LINGO2: variants seen among roughly 807,000 people sequenced by gnomAD.
The protein encoded by LINGO2 is leucine-rich repeat and immunoglobulin-like domain-containing nogo receptor-interacting protein 2.
Under a neutral mutation model 30.6 loss-of-function variants are expected in LINGO2, and 14 were observed. The observed-to-expected ratio is 0.46, with a 90% CI of 0.30 to 0.72. The LOEUF is 0.72. Ranked by LOEUF, LINGO2 falls within the 30% of genes least tolerant of loss-of-function variation. The probability of loss-of-function intolerance (pLI) is 0.07; values close to 1 mark genes in which losing one functional copy is unlikely to be tolerated. For synonymous variants in LINGO2, 317 were observed against 288.5 expected (o/e 1.10, Z -1.00); for missense variants, 729 against 751.7 (o/e 0.97, Z 0.35).
At chr9:28,470,244 T>C (rs1825468384) in intron 2 of LINGO2, among the ~76,000 whole-genome samples, 1 of 152,200 alleles carries the variant, frequency 6.6e-6, no homozygotes, top group Non-Finnish European at 1.5e-5. Context: ...AGTTGTAAAT[T>C]TGTTGTCATA....
At chr9:28,582,299 G>T (rs1159278300) in intron 1 of LINGO2, among the ~76,000 whole-genome samples, 6 of 151,986 alleles carry the variant, frequency 3.9e-5, no homozygotes, top group African/African-American at 1.4e-4. Context: ...GAAAGAAAAA[G>T]ATTATTGTTT....
chr9:28,276,155 C>T (rs765238280), intron 4 of LINGO2, among the ~76,000 whole-genome samples: 9 of 152,082 alleles, frequency 5.9e-5, no homozygotes, highest in Non-Finnish European at 1.3e-4. Context: ...ATATCAGGAG[C>T]CTTGTACGTT....
the LINGO2 span, among the ~76,000 whole-genome samples, chr9:28,775,723 C>A: frequency 6.6e-6 from 1 of 152,132 alleles, no homozygotes; most frequent in African/African-American, 2.4e-5. Context: ...AATGTGCATA[C>A]TGATAATGAT....
chr9:29,008,631 A>G, the LINGO2 span, among the ~76,000 whole-genome samples: 55 of 152,146 alleles, frequency 3.6e-4, no homozygotes, highest in Admixed American at 2.5e-3. Context: ...AACTGGTGAG[A>G]GATGGCATCT....
chr9:28,795,933 G>A, the LINGO2 span, among the ~76,000 whole-genome samples: 5 of 147,690 alleles, frequency 3.4e-5, no homozygotes, highest in African/African-American at 1.3e-4. Context: ...TGGCCAAGAA[G>A]AATAAATAGT....
chr9:28,141,321 T>G (rs1489900603), intron 4 of LINGO2, among the ~76,000 whole-genome samples: 5 of 152,202 alleles, frequency 3.3e-5, no homozygotes, highest in Non-Finnish European at 7.3e-5. Flanking sequence ...ACAGGAGGAA[T>G]ATTTGCAAAT....
rs528824652 is a variant in LINGO2 at position 28,433,450 on chromosome 9, T to C, written c.-279+42490A>G. Among the ~76,000 whole-genome samples, 8 of 152,198 alleles carry C rather than the reference T, an allele frequency of 5.3e-5. No homozygotes were observed. The East Asian group carries it at 1.4e-3, about 26-fold the overall frequency. On this transcript the variant is annotated intron_variant, in intron 2 of 5. Transcript: ENST00000379992. ...GAAACGTCCCCTCTACTTAGGGACA[T>C]GCAAACCAGAAAGAGATGAACCTCA... is the stretch of plus-strand genomic sequence containing the variant.
chr9:28,491,061 A>G (rs1826375270), intron 1 of LINGO2, among the ~76,000 whole-genome samples: 1 of 152,240 alleles, frequency 6.6e-6, no homozygotes, highest in Non-Finnish European at 1.5e-5. Context: ...TGGAAAAGTG[A>G]GATGGGAGTA....
chr9:28,632,814 T>TAC (rs1827040471), intron 1 of LINGO2, among the ~76,000 whole-genome samples: 1 of 75,666 alleles, frequency 1.3e-5, no homozygotes, highest in African/African-American at 5.8e-5. Flanking sequence ...ATAGATGATC[T>TAC]ATATATATTA....
chr9:28,987,072 GT>G, the LINGO2 span, among the ~76,000 whole-genome samples: 2,071 of 119,132 alleles, frequency 0.017, 41 homozygotes, highest in African/African-American at 0.056. Flanking sequence ...GTTCTAACAG[GT>G]TTTTTTTTTT....
intron 4 of LINGO2, among the ~76,000 whole-genome samples, chr9:28,102,614 G>C (rs991617412): frequency 6.6e-6 from 1 of 151,862 alleles, no homozygotes; most frequent in Non-Finnish European, 1.5e-5. Flanking sequence ...AAAAAAAATT[G>C]AGCAGCTTAA....
the LINGO2 span, among the ~76,000 whole-genome samples, chr9:28,957,605 C>T: frequency 2.6e-5 from 4 of 152,226 alleles, no homozygotes; most frequent in African/African-American, 9.6e-5. Context: ...TCAATGTCTC[C>T]AATCTGTGGA....
intron 4 of LINGO2, among the ~76,000 whole-genome samples, chr9:28,079,642 G>A (rs1196021343): frequency 1.3e-5 from 2 of 152,134 alleles, no homozygotes; most frequent in Non-Finnish European, 2.9e-5. Flanking sequence ...ATCCAGGATA[G>A]ATGTGAGCTC....
At chr9:28,358,539 C>A (rs549509475) in intron 3 of LINGO2, among the ~76,000 whole-genome samples, 4 of 152,088 alleles carry the variant, frequency 2.6e-5, no homozygotes, top group Non-Finnish European at 5.9e-5. Context: ...TCAGGCAGCT[C>A]AGAATTCAGA....
intron 1 of LINGO2, among the ~76,000 whole-genome samples, chr9:28,614,764 G>A (rs1826064165): frequency 6.6e-6 from 1 of 152,086 alleles, no homozygotes; most frequent in Admixed American, 6.5e-5. Context: ...CAATGGGAAT[G>A]ACCTGCTTCT....
At position 28,015,826 on chromosome 9, in the gene LINGO2, T is replaced by C. The variant is rs549039316; in HGVS notation, c.-86-3421A>G. ...AATTTTTAGTTATTAATTTGTTCAT[T>C]TTACAAATATATATTGGATATAACT... On this transcript the variant is annotated intron_variant, in intron 4 of 5. Transcript: ENST00000379992. Among the ~76,000 whole-genome samples, 31 of 152,188 alleles carry C rather than the reference T, an allele frequency of 2.0e-4. No homozygotes were observed. The South Asian group carries it at 5.4e-3, about 27-fold the overall frequency.
intron 2 of LINGO2, among the ~76,000 whole-genome samples, chr9:28,385,820 A>C (rs1821556537): frequency 6.6e-6 from 1 of 152,184 alleles, no homozygotes; most frequent in Non-Finnish European, 1.5e-5. Flanking sequence ...ATGGACCCAG[A>C]GAGAAAGGAG....
At chr9:28,625,325 C>T (rs1054396063) in intron 1 of LINGO2, among the ~76,000 whole-genome samples, 1 of 152,144 alleles carries the variant, frequency 6.6e-6, no homozygotes, top group Non-Finnish European at 1.5e-5. Context: ...TGCACAGATT[C>T]TCTCTCCAAG....
At position 28,034,073 on chromosome 9, in the gene LINGO2, T is replaced by C. The variant is rs115551526; in HGVS notation, c.-86-21668A>G. ...GAGGTCTCGGGCCCTCCTCCCTGTC[T>C]AGGAGGCTCCTCCAAAGTGAATTAG... On this transcript the variant is annotated intron_variant, in intron 4 of 5. Coordinates refer to ENST00000379992, the Ensembl canonical transcript of LINGO2. Among the ~76,000 whole-genome samples the C allele has an allele frequency of 2.5e-3, 378 of 152,310 alleles. 1 individual carries two copies. The highest frequency in any genetic ancestry group is 8.4e-3 in the African/African-American group (348 of 41,578).
Sources: gnomAD v4.1 joint callset for allele counts (sites outside exome capture counted in the v4.1 genomes callset) on GRCh38, gnomAD v4.1.1 for gene constraint, MANE v1.5 for transcripts, NCBI Gene and HGNC (gene_info 2026-07-23, HGNC 2026-07-21) for gene names.